RNF13: variants seen among roughly 807,000 people sequenced by gnomAD.
The protein encoded by RNF13 is ring finger protein 13.
RNF13 carries 19 observed loss-of-function variants against 37.7 expected under a neutral mutation model. That is an observed-to-expected ratio of 0.50 (90% CI 0.35 to 0.74). The LOEUF (loss-of-function observed/expected upper bound fraction) is 0.74, where lower values mean the gene tolerates loss of function less well. RNF13 is among the 30% of genes least tolerant of loss of function. The pLI, the probability that RNF13 is intolerant of heterozygous loss-of-function variation, is 0.01. For synonymous variants in RNF13, 144 were observed against 157.8 expected (o/e 0.91, Z 0.65); for missense variants, 375 against 453.0 (o/e 0.83, Z 1.56).
intron 1 of RNF13, among the ~76,000 whole-genome samples, chr3:149,833,299 T>C (rs1721260712): frequency 6.6e-6 from 1 of 152,010 alleles, no homozygotes; most frequent in Non-Finnish European, 1.5e-5. Flanking sequence ...TTTGTATTTT[T>C]AGTAGAGGCA....
chr3:149,853,834 CT>C (rs1052140782), intron 3 of RNF13, among the ~76,000 whole-genome samples: 468 of 115,386 alleles, frequency 4.1e-3, no homozygotes, highest in African/African-American at 8.4e-3. Context: ...TAAAATTTCT[CT>C]TTTTTTTTTT....
At chr3:149,857,573 A>G (rs1723774568) in intron 3 of RNF13, among the ~76,000 whole-genome samples, 1 of 152,200 alleles carries the variant, frequency 6.6e-6, no homozygotes, top group Non-Finnish European at 1.5e-5. Context: ...TTTGAACAGT[A>G]TATTTATATG....
intron 7 of RNF13, among the ~76,000 whole-genome samples, chr3:149,918,798 G>T (rs1717818041): frequency 6.6e-6 from 1 of 151,604 alleles, no homozygotes; most frequent in Admixed American, 6.6e-5. Context: ...CAAAGCACTG[G>T]AATTACAGGT....
intron 4 of RNF13, among the ~76,000 whole-genome samples, chr3:149,889,039 A>T (rs754712841): frequency 6.6e-5 from 10 of 151,882 alleles, no homozygotes; most frequent in Non-Finnish European, 8.8e-5. Flanking sequence ...CCTGGGTTCA[A>T]GCGATTCTCC....
At chr3:149,911,469 C>G (rs1007161777) in intron 6 of RNF13, among the ~76,000 whole-genome samples, 6 of 152,062 alleles carry the variant, frequency 3.9e-5, no homozygotes, top group African/African-American at 1.4e-4. Flanking sequence ...ACCACCCTGG[C>G]CAACATGGCA....
intron 8 of RNF13, among the ~76,000 whole-genome samples, chr3:149,933,806 A>G (rs548057911): frequency 6.6e-5 from 10 of 151,240 alleles, no homozygotes; most frequent in Non-Finnish European, 1.2e-4. Flanking sequence ...CTGGTCTCGA[A>G]CTCCTGACCT....
At position 149,852,707 on chromosome 3, in the gene RNF13, C is replaced by T. The variant is rs1160540635; in HGVS notation, c.195+111C>T. Reference sequence around the variant, plus strand: ...TTCTTACTATTTATTATTATAAAGCCTATATATAGTCATTTGTAAAGGGTC... The same window carrying T: ...TTCTTACTATTTATTATTATAAAGCTTATATATAGTCATTTGTAAAGGGTC... On this transcript the variant is annotated intron_variant, in intron 3 of 9. Coordinates refer to ENST00000392894, the MANE Select transcript of RNF13 (RefSeq NM_183381.3). 4 of 482,162 alleles carry T rather than the reference C, an allele frequency of 8.3e-6. No individual in the cohort carries two copies. The Admixed American group carries it at 1.6e-4, about 19-fold the overall frequency. 29.9% of individuals were successfully genotyped at this position (482,162 alleles called of 1,614,324 possible).
intron 4 of RNF13, 88 bp from the exon 5 acceptor site, chr3:149,895,385 A>T: frequency 1.3e-6 from 1 of 753,424 alleles, no homozygotes; most frequent in Non-Finnish European, 2.2e-6. Context: ...TCTTTTATTT[A>T]CTTCAGTAAG....
At chr3:149,843,090 C>T (rs1390512537) in intron 1 of RNF13, among the ~76,000 whole-genome samples, 1 of 152,132 alleles carries the variant, frequency 6.6e-6, no homozygotes, top group Non-Finnish European at 1.5e-5. Flanking sequence ...AAAAAAGTGA[C>T]TATACTGAAC....
At chr3:149,850,331 C>T (rs1193144379) in intron 2 of RNF13, among the ~76,000 whole-genome samples, 1 of 152,208 alleles carries the variant, frequency 6.6e-6, no homozygotes, top group East Asian at 1.9e-4. Flanking sequence ...ATGAGCATCG[C>T]TCCCCTCCCT....
rs144937570 is a variant in RNF13, at chr3:149,863,538, C to A, written c.196-8491C>A. On this transcript the variant is annotated intron_variant, in intron 3 of 9. Transcript: ENST00000392894. ...GGGATTACAGGCGTGTACCACCACG[C>A]CTGGCTAATTTTTGTATTTTTAGTA... Among the ~76,000 whole-genome samples, 855 of 152,152 alleles carry A rather than the reference C, an allele frequency of 5.6e-3. 34 individuals carry two copies. Among genetic ancestry groups the A allele is most frequent in the Admixed American group, 0.053 (817 of 15,276 alleles).
chr3:149,900,999 C>T (rs1317191977), intron 5 of RNF13, among the ~76,000 whole-genome samples: 1 of 152,010 alleles, frequency 6.6e-6, no homozygotes, highest in Non-Finnish European at 1.5e-5. Context: ...CAAAATAGAT[C>T]AGTAATTTAT....
At chr3:149,912,627 A>G (rs961252846) in intron 7 of RNF13, among the ~76,000 whole-genome samples, 16 of 152,150 alleles carry the variant, frequency 1.1e-4, no homozygotes, top group African/African-American at 3.9e-4. Flanking sequence ...GTAAAATGTT[A>G]ATTATAGAAT....
At chr3:149,879,822 T>G (rs1222485041) in intron 4 of RNF13, among the ~76,000 whole-genome samples, 1 of 152,238 alleles carries the variant, frequency 6.6e-6, no homozygotes, top group African/African-American at 2.4e-5. Context: ...AAAGTCTCTT[T>G]GTAAGGCCAG....
At chr3:149,877,352 A>G (rs531128061) in intron 4 of RNF13, among the ~76,000 whole-genome samples, 8 of 151,862 alleles carry the variant, frequency 5.3e-5, no homozygotes, top group African/African-American at 1.7e-4. Context: ...CTAAGCCTAG[A>G]TATTTATTTA....
At chr3:149,938,665 AT>A (rs547238188) in intron 8 of RNF13, among the ~76,000 whole-genome samples, 2 of 151,046 alleles carry the variant, frequency 1.3e-5, no homozygotes, top group East Asian at 1.9e-4. Flanking sequence ...ATGTGTCTTA[AT>A]TTTTTTTTAC....
intron 5 of RNF13, among the ~76,000 whole-genome samples, chr3:149,895,802 A>G (rs1715195889): frequency 6.6e-6 from 1 of 152,160 alleles, no homozygotes; most frequent in Non-Finnish European, 1.5e-5. Context: ...AAAAACCAAA[A>G]TGGGGGAAAC....
chr3:149,896,615 G>A (rs1356317716), intron 5 of RNF13, among the ~76,000 whole-genome samples: 1 of 151,960 alleles, frequency 6.6e-6, no homozygotes, highest in Non-Finnish European at 1.5e-5. Context: ...GAGTAGCTGG[G>A]ATGACAGGCA....
chr3:149,903,676 T>C (rs1336882589), intron 6 of RNF13, among the ~76,000 whole-genome samples: 1 of 152,134 alleles, frequency 6.6e-6, no homozygotes, highest in East Asian at 1.9e-4. Context: ...TACAGATATA[T>C]TGTGGCATTG....
Sources: allele counts gnomAD v4.1 joint callset (sites outside exome capture counted in the v4.1 genomes callset), GRCh38; gene constraint gnomAD v4.1.1; transcripts MANE v1.5; gene names NCBI Gene and HGNC (gene_info 2026-07-23, HGNC 2026-07-21).